Variants in ZNF423 observed in about 807,000 individuals in gnomAD.
ZNF423 encodes zinc finger protein 423, also known as Ebf-associated zinc finger protein.
A neutral mutation model predicts 95.8 loss-of-function variants in ZNF423; 12 were observed. That is an observed-to-expected ratio of 0.13 (90% CI 0.08 to 0.20). The LOEUF (loss-of-function observed/expected upper bound fraction) is 0.20, where lower values mean the gene tolerates loss of function less well. Ranked by LOEUF, ZNF423 falls within the 10% of genes least tolerant of loss-of-function variation. The pLI, the probability that ZNF423 is intolerant of heterozygous loss-of-function variation, is 1.00. For missense variants in ZNF423, 1,316 were observed against 1,737.1 expected (o/e 0.76, Z 4.31); for synonymous variants, 749 against 711.9 (o/e 1.05, Z -0.83).
chr16:49,638,567 G>A lies in ZNF423; in HGVS notation c.609C>T (p.His203=). 1 of 1,613,884 alleles carries A rather than the reference G, an allele frequency of 6.2e-7. No homozygotes were observed. The highest frequency in any genetic ancestry group is 8.5e-7 in the Non-Finnish European group (1 of 1,180,028). ...AGAAGGCTGCCTCGCACTCGTGGCA[G>A]TGATACTTCTTGTCGCCCGTATGCA... ...IKLHTGDKKY[H]CHECEAAFSR... is the part of the protein sequence containing the mutation. The change falls in exon 4 of 8, where the codon CAC becomes CAT. Residue 203 remains histidine (H), a synonymous_variant. Transcript: ENST00000563137. This position sits in a 1 kb window ranked among gnomAD's most constrained non-coding sequence, Gnocchi z 5.6.
chr16:49,626,146 G>A (rs1008349840), intron 5 of ZNF423, 24 bp downstream of exon 5: 4 of 1,608,784 alleles, frequency 2.5e-6, no homozygotes, highest in African/African-American at 1.3e-5. Context: ...GCTCCAGCAT[G>A]GCTGGGAGGA....
intron 3 of ZNF423, among the ~76,000 whole-genome samples, chr16:49,703,780 C>T (rs1021920455): frequency 6.6e-6 from 1 of 152,204 alleles, no homozygotes; most frequent in Admixed American, 6.5e-5. Flanking sequence ...CTGGCTGGCT[C>T]CTAGGTCGCC....
At chr16:49,640,453 C>T (rs1972934805) in intron 3 of ZNF423, among the ~76,000 whole-genome samples, 1 of 152,080 alleles carries the variant, frequency 6.6e-6, no homozygotes, top group African/African-American at 2.4e-5. Flanking sequence ...CTGTGGTTTC[C>T]CTACAAGGCT....
In ZNF423 at chr16:49,636,827, G is replaced by A; in HGVS notation, c.2349C>T (p.Gly783=). The change falls in exon 4 of 8, where the codon GGC becomes GGT. Residue 783 remains glycine, a synonymous_variant. Transcript: ENST00000563137. This position sits in a 1 kb window ranked among gnomAD's most constrained non-coding sequence, Gnocchi z 8.6. ...TGCACTTGTGAGCCTTGGCCGGGTT[G>A]CCCAGGTGGCTGTGTTTGACGTGCA... is the stretch of plus-strand genomic sequence containing the variant. ...LQVHVKHSHL[G]NPAKAHKCIF... is the part of the protein sequence containing the mutation. 6.2e-7 allele frequency: 1 copy of A among 1,614,112 alleles called. No homozygotes were observed. Among genetic ancestry groups the A allele is most frequent in the East Asian group, 2.2e-5 (1 of 44,874 alleles).
intron 1 of ZNF423, among the ~76,000 whole-genome samples, chr16:49,792,533 G>C (rs9930285): frequency 6.6e-6 from 1 of 152,178 alleles, no homozygotes; most frequent in Non-Finnish European, 1.5e-5. Flanking sequence ...GCAAGCAGCC[G>C]CATGACACAA....
At chr16:49,550,380 G>A (rs1435847140) in intron 5 of ZNF423, among the ~76,000 whole-genome samples, 2 of 151,982 alleles carry the variant, frequency 1.3e-5, no homozygotes, top group Non-Finnish European at 2.9e-5. Context: ...CTTTCATTTC[G>A]TTGGCTGTGG....
At chr16:49,593,126 C>T (rs1971065940) in intron 5 of ZNF423, among the ~76,000 whole-genome samples, 1 of 152,186 alleles carries the variant, frequency 6.6e-6, no homozygotes, top group Non-Finnish European at 1.5e-5. Flanking sequence ...CCAGCTCTGA[C>T]CCCAAACTCA....
chr16:49,801,618 C>A lies in ZNF423; in HGVS notation c.41-12072G>T, dbSNP rs547496772. Among the ~76,000 whole-genome samples, 3 of 152,316 alleles carry A rather than the reference C, an allele frequency of 2.0e-5. No homozygotes were observed. In the East Asian group the frequency reaches 5.8e-4, roughly 29 times the overall value. On this transcript the variant is annotated intron_variant, in intron 1 of 7. Transcript: ENST00000563137. ...CAGCAATAGCAGCATTACCTAGGAG[C>A]TTGTTGGAAATGCAGAATCCCAGAC...
At chr16:49,743,521 T>C (rs1352462261) in intron 2 of ZNF423, among the ~76,000 whole-genome samples, 1 of 152,128 alleles carries the variant, frequency 6.6e-6, no homozygotes, top group Admixed American at 6.5e-5. Context: ...GAAGAAGCTG[T>C]CTGGAAGGGC....
intron 2 of ZNF423, among the ~76,000 whole-genome samples, chr16:49,763,615 C>A (rs557566757): frequency 1.3e-5 from 2 of 152,254 alleles, no homozygotes; most frequent in South Asian, 2.1e-4. Context: ...TTGCCCACTC[C>A]CCAGCGTCAC....
chr16:49,683,059 G>C (rs2031430583), intron 3 of ZNF423, among the ~76,000 whole-genome samples: 1 of 152,206 alleles, frequency 6.6e-6, no homozygotes, highest in Non-Finnish European at 1.5e-5. Flanking sequence ...GCCCAGAGGA[G>C]TGGGGACCCG....
intron 1 of ZNF423, among the ~76,000 whole-genome samples, chr16:49,850,657 C>T (rs751170343): frequency 6.6e-6 from 1 of 152,154 alleles, no homozygotes; most frequent in Admixed American, 6.5e-5. Context: ...GTGAACTAAA[C>T]GCACCCACCA....
chr16:49,578,284 G>A (rs1270312813), intron 5 of ZNF423, among the ~76,000 whole-genome samples: 1 of 152,232 alleles, frequency 6.6e-6, no homozygotes, highest in Non-Finnish European at 1.5e-5. Context: ...CATAGCAGCT[G>A]GAACAAGGCA....
chr16:49,644,991 GC>G (rs1335021947), intron 3 of ZNF423, among the ~76,000 whole-genome samples: 1 of 152,110 alleles, frequency 6.6e-6, no homozygotes, highest in Non-Finnish European at 1.5e-5. Flanking sequence ...GCTCTCTATA[GC>G]CCCTGCCATA....
At chr16:49,686,170 C>T (rs1405755790) in intron 3 of ZNF423, among the ~76,000 whole-genome samples, 1 of 152,206 alleles carries the variant, frequency 6.6e-6, no homozygotes, top group Non-Finnish European at 1.5e-5. Context: ...AGAGTCCAGG[C>T]CTGTCCAGCT....
At chr16:49,528,826 C>A (rs1330553804) in intron 5 of ZNF423, among the ~76,000 whole-genome samples, 1 of 151,838 alleles carries the variant, frequency 6.6e-6, no homozygotes, top group East Asian at 1.9e-4. Context: ...GACAAACACT[C>A]CTTTGCGTGC....
At chr16:49,785,848 T>C (rs542678948) in intron 2 of ZNF423, among the ~76,000 whole-genome samples, 2 of 152,344 alleles carry the variant, frequency 1.3e-5, no homozygotes, top group Non-Finnish European at 2.9e-5. Flanking sequence ...AGTTCACACC[T>C]ATGGCCTGGC....
At chr16:49,689,685 C>T (rs1005182167) in intron 3 of ZNF423, among the ~76,000 whole-genome samples, 8 of 152,086 alleles carry the variant, frequency 5.3e-5, no homozygotes, top group Non-Finnish European at 1.0e-4. Flanking sequence ...TGTGGCACCC[C>T]GGGGGCCCCA....
chr16:49,533,350 TG>T (rs1217279742), intron 5 of ZNF423, among the ~76,000 whole-genome samples: 1 of 152,334 alleles, frequency 6.6e-6, no homozygotes, highest in East Asian at 1.9e-4. Context: ...GAGGAAGGGC[TG>T]GCTGCCTCAA....
Sources: allele counts gnomAD v4.1 joint callset (sites outside exome capture counted in the v4.1 genomes callset), GRCh38; gene constraint gnomAD v4.1.1; non-coding constraint Gnocchi (gnomAD v3.1); transcripts MANE v1.5; gene names NCBI Gene and HGNC (gene_info 2026-07-23, HGNC 2026-07-21).